The following CHM variants were observed in gnomAD, a reference collection of about 807,000 sequenced individuals.
The protein encoded by CHM is rab proteins geranylgeranyltransferase component A 1.
In CHM, 10 loss-of-function variants were observed where a neutral mutation model predicts 49.0. The observed-to-expected ratio is 0.20, with a 90% confidence interval of 0.13 to 0.35. The LOEUF is 0.35. CHM is among the 10% of genes least tolerant of loss of function. The probability of loss-of-function intolerance (pLI) is 1.00; values close to 1 mark genes in which losing one functional copy is unlikely to be tolerated. For missense variants in CHM, 455 were observed against 478.4 expected (o/e 0.95, Z 0.46); for synonymous variants, 184 against 167.5 (o/e 1.10, Z -0.76).
intron 8 of CHM, among the ~76,000 whole-genome samples, chrX:85,929,698 A>G (rs1257345651): frequency 7.1e-5 from 8 of 112,320 alleles, no homozygotes; most frequent in African/African-American, 9.7e-5. Context: ...ATTTAATAAA[A>G]TATTAGTTTT....
chrX:85,918,944 C>T lies in CHM; in HGVS notation c.1167-7606G>A, dbSNP rs190674709. ...CAATAATAGTGGGAGACTTCAACAC[C>T]CCACTGATGGTGTTAGATTACTGAG... On this transcript the variant is annotated intron_variant, in intron 8 of 14. Transcript: ENST00000357749. 5.4e-5 allele frequency among the ~76,000 whole-genome samples: 6 copies of T among 111,331 alleles called. No homozygotes were observed. In the East Asian group the frequency reaches 1.4e-3, roughly 26 times the overall value.
At chrX:85,949,206 A>C (rs139391439) in intron 8 of CHM, among the ~76,000 whole-genome samples, 2,810 of 112,486 alleles carry the variant, frequency 0.025, 42 homozygotes, top group South Asian at 0.055. Flanking sequence ...GATTCAATAC[A>C]TAAGATCACA....
intron 8 of CHM, among the ~76,000 whole-genome samples, chrX:85,943,807 C>T (rs765916607): frequency 8.9e-6 from 1 of 111,772 alleles, no homozygotes; most frequent in East Asian, 2.8e-4. Context: ...CTAGCCTCAG[C>T]CTTTTTATCT....
At chrX:85,899,828 G>A (rs1316358598) in intron 11 of CHM, among the ~76,000 whole-genome samples, 1 of 109,854 alleles carries the variant, frequency 9.1e-6, no homozygotes, top group Non-Finnish European at 1.9e-5. Context: ...GATTAAGTTA[G>A]TAACAATGTT....
At chrX:85,906,308 T>C (rs1297268109) in intron 9 of CHM, among the ~76,000 whole-genome samples, 1 of 112,129 alleles carries the variant, frequency 8.9e-6, no homozygotes, top group African/African-American at 3.2e-5. Flanking sequence ...CTTATTAGCA[T>C]AGCACAGAAG....
At chrX:85,869,134 A>T (rs1923890761) in intron 14 of CHM, among the ~76,000 whole-genome samples, 1 of 110,402 alleles carries the variant, frequency 9.1e-6, no homozygotes, top group Non-Finnish European at 1.9e-5. Flanking sequence ...CCTTTCTGTT[A>T]TTTCTAGACT....
chrX:85,919,999 C>T (rs941030922), intron 8 of CHM, among the ~76,000 whole-genome samples: 1 of 111,338 alleles, frequency 9.0e-6, no homozygotes, highest in African/African-American at 3.3e-5. Flanking sequence ...TCAGTCATTC[C>T]GATAGTCTTT....
In CHM at chrX:85,864,153, A is replaced by G. The variant is rs1159767495; in HGVS notation, c.*477T>C. The G allele has an allele frequency of 1.5e-5, 2 of 132,627 alleles. No individual in the cohort carries two copies. The highest frequency in any genetic ancestry group is 3.0e-5 in the Non-Finnish European group (2 of 66,023). The allele number at this position is 132,627 out of a possible 1,213,427, so 10.9% of individuals were successfully genotyped here. On this transcript the variant is annotated 3_prime_UTR_variant, in exon 15 of 15. Transcript: ENST00000357749. The stretch of plus-strand genomic sequence containing the variant: ...GTATTCCAAATACAGGCTTCTATCT[A>G]GATCATGATACTTTAGTTTTTCTAT...
chrX:86,033,386 G>A (rs1362631021), intron 1 of CHM, among the ~76,000 whole-genome samples: 1 of 112,256 alleles, frequency 8.9e-6, no homozygotes, highest in African/African-American at 3.2e-5. Flanking sequence ...ATGGATTTCT[G>A]CTTTCTACCT....
intron 12 of CHM, among the ~76,000 whole-genome samples, chrX:85,892,832 G>A (rs1925565725): frequency 1.8e-5 from 2 of 111,522 alleles, no homozygotes; most frequent in South Asian, 7.5e-4. Context: ...TTTTCCTTGT[G>A]ACTACGCAAA....
At chrX:85,890,734 A>C (rs752499348) in intron 12 of CHM, among the ~76,000 whole-genome samples, 1 of 111,695 alleles carries the variant, frequency 9.0e-6, no homozygotes, top group Non-Finnish European at 1.9e-5. Context: ...AAACAGACGA[A>C]TACAGTAAAT....
chrX:86,028,284 A>C (rs1933918139), intron 1 of CHM, among the ~76,000 whole-genome samples: 1 of 111,514 alleles, frequency 9.0e-6, no homozygotes, highest in African/African-American at 3.3e-5. Context: ...AAAAAGAACC[A>C]GGACATGAAT....
intron 2 of CHM, among the ~76,000 whole-genome samples, chrX:86,005,946 C>T (rs899296385): frequency 4.5e-5 from 5 of 111,581 alleles, no homozygotes; most frequent in Middle Eastern, 9.3e-3. Context: ...CAAAGCCTGG[C>T]AGAGACACAA....
chrX:86,030,933 T>G (rs1368994062), intron 1 of CHM, among the ~76,000 whole-genome samples: 2 of 108,363 alleles, frequency 1.8e-5, no homozygotes, highest in African/African-American at 6.7e-5. Flanking sequence ...CTTCATTACT[T>G]TTTTTTTTAA....
chrX:85,872,996 A>G (rs775354053), intron 14 of CHM, 56 bp downstream of exon 14: 7 of 1,118,429 alleles, frequency 6.3e-6, no homozygotes, highest in Non-Finnish European at 8.6e-6. Context: ...AGGAAAAAAT[A>G]TTTCCCAACC....
In CHM at chrX:85,862,952, A is replaced by C. The variant is rs955520924; in HGVS notation, c.*1678T>G. Reference sequence around the variant, plus strand: ...GATGTTGTGAGAAAAAAAAACAAATAGTTCATTTGTTTGTTTATTTATAGG... The same window carrying C: ...GATGTTGTGAGAAAAAAAAACAAATCGTTCATTTGTTTGTTTATTTATAGG... On this transcript the variant is annotated 3_prime_UTR_variant, in exon 15 of 15. Transcript: ENST00000357749. 9.0e-6 allele frequency: 1 copy of C among 111,693 alleles called. No individual in the cohort carries two copies. Among genetic ancestry groups the C allele is most frequent in the South Asian group, 3.8e-4 (1 of 2,665 alleles). 9.2% of individuals were successfully genotyped at this position (111,693 alleles called of 1,213,427 possible). A position where few individuals can be genotyped will look rare whatever the true frequency, so the allele number is the denominator to read the frequency against.
chrX:85,964,761 C>T (rs957287924), intron 4 of CHM, among the ~76,000 whole-genome samples: 17 of 112,056 alleles, frequency 1.5e-4, no homozygotes, highest in African/African-American at 5.5e-4. Flanking sequence ...TAGTCGAAGC[C>T]CCATTTCCAA....
At chrX:85,965,332 C>A (rs1446167445) in intron 4 of CHM, among the ~76,000 whole-genome samples, 2 of 112,101 alleles carry the variant, frequency 1.8e-5, no homozygotes. Flanking sequence ...CTCTATTATA[C>A]CATGCTCCCA....
intron 2 of CHM, among the ~76,000 whole-genome samples, chrX:86,003,029 A>G (rs1166136282): frequency 9.0e-6 from 1 of 111,619 alleles, no homozygotes; most frequent in African/African-American, 3.3e-5. Context: ...TCTGGGACAA[A>G]CCTTACAGAG....
Sources: gnomAD v4.1 joint callset for allele counts (sites outside exome capture counted in the v4.1 genomes callset) on GRCh38, gnomAD v4.1.1 for gene constraint, MANE v1.5 for transcripts, NCBI Gene and HGNC (gene_info 2026-07-23, HGNC 2026-07-21) for gene names.